Variants in AFF4 observed in about 807,000 individuals in gnomAD.
AFF4 encodes ALF transcription elongation factor 4, also known as AF4/FMR2 family member 4.
In AFF4, 13 loss-of-function variants were observed where a neutral mutation model predicts 124.8. That is an observed-to-expected ratio of 0.10 (90% confidence interval 0.07 to 0.17). The LOEUF (loss-of-function observed/expected upper bound fraction) is 0.17. Ranked by LOEUF, AFF4 falls within the 10% of genes least tolerant of loss-of-function variation. AFF4 has a pLI of 1.00. For missense variants in AFF4, 1,092 were observed against 1,403.8 expected (o/e 0.78, Z 3.55); for synonymous variants, 477 against 496.1 (o/e 0.96, Z 0.51).
intron 5 of AFF4, among the ~76,000 whole-genome samples, chr5:132,905,297 T>G (rs1760647187): frequency 6.6e-6 from 1 of 152,202 alleles, no homozygotes; most frequent in African/African-American, 2.4e-5. Flanking sequence ...AACTCAATTT[T>G]CATGACCAGA....
intron 6 of AFF4, among the ~76,000 whole-genome samples, chr5:132,903,267 TTAAGGTGGAAC>T (rs1760595776): frequency 1.3e-5 from 2 of 152,210 alleles, no homozygotes; most frequent in Admixed American, 1.3e-4. Flanking sequence ...GCTACGGCCT[TTAAGGTGGAAC>T]TAAGAAATTG....
At chr5:132,900,195 T>C (rs1014162003) in intron 7 of AFF4, among the ~76,000 whole-genome samples, 2 of 152,196 alleles carry the variant, frequency 1.3e-5, no homozygotes, top group African/African-American at 4.8e-5. Context: ...GTGCCCTCTG[T>C]AGAAATAAAT....
intron 4 of AFF4, among the ~76,000 whole-genome samples, chr5:132,928,121 C>T (rs979398263): frequency 6.6e-6 from 1 of 151,752 alleles, no homozygotes; most frequent in Non-Finnish European, 1.5e-5. Context: ...TAAAGATATA[C>T]GTATAAGGGG....
At chr5:132,941,889 C>T (rs1242968970) in intron 1 of AFF4, among the ~76,000 whole-genome samples, 1 of 151,938 alleles carries the variant, frequency 6.6e-6, no homozygotes, top group Non-Finnish European at 1.5e-5. Context: ...ATGCCTTAAT[C>T]CCAGCTACTT....
At position 132,957,019 on chromosome 5, in the gene AFF4, C is replaced by CAAAA. The variant is rs1180577709; in HGVS notation, c.-5+6236_-5+6239dup. ...TGGGTGACAGTGTGAGACTTCGTCT[C>CAAAA]AAAAAAAAAAAAAAAAAAAAAAAAA... On this transcript the variant is annotated intron_variant, in intron 1 of 20. Coordinates refer to ENST00000265343, the MANE Select transcript of AFF4 (RefSeq NM_014423.4). Among the ~76,000 whole-genome samples the CAAAA allele has an allele frequency of 3.7e-3, 151 of 40,782 alleles. 7 individuals carry two copies. The highest frequency in any genetic ancestry group is 4.7e-3 in the Admixed American group (9 of 1,912). 26.8% of individuals were successfully genotyped at this position (40,782 alleles called of 152,430 possible).
rs1759906422 is a variant in AFF4, at chr5:132,879,029, G to A, written c.*2030C>T. Reference sequence around the variant, plus strand: ...AAATAACTATCATGATCATTGAGAAGTTGTCCTCTTATGGAAAACTGTTCC... The same window carrying A: ...AAATAACTATCATGATCATTGAGAAATTGTCCTCTTATGGAAAACTGTTCC... On this transcript the variant is annotated 3_prime_UTR_variant, in exon 21 of 21. Transcript: ENST00000265343. 1 of 222,492 alleles carries A rather than the reference G, an allele frequency of 4.5e-6. No homozygotes were observed. Among genetic ancestry groups the A allele is most frequent in the South Asian group, 1.8e-4 (1 of 5,458 alleles). 13.8% of individuals were successfully genotyped at this position (222,492 alleles called of 1,614,324 possible). A position where few individuals can be genotyped will look rare whatever the true frequency, so the allele number is the denominator to read the frequency against.
At position 132,963,454 on chromosome 5, in the gene AFF4, C is replaced by A; in HGVS notation, c.-200G>T. The A allele has an allele frequency of 2.5e-6, 1 of 398,354 alleles. No individual in the cohort carries two copies. Among genetic ancestry groups the A allele is most frequent in the Non-Finnish European group, 4.4e-6 (1 of 225,908 alleles). The allele number at this position is 398,354 out of a possible 1,614,324, so 24.7% of individuals were successfully genotyped here. On this transcript the variant is annotated 5_prime_UTR_variant, in exon 1 of 21. Transcript: ENST00000265343. ...AAGGCGGCGTCGGCGGCGGCGGCAG[C>A]GATGCGCCTCACACGGAACAGGCGT...
chr5:132,894,744 T>C (rs889963193), intron 11 of AFF4, among the ~76,000 whole-genome samples: 2 of 152,124 alleles, frequency 1.3e-5, no homozygotes, highest in African/African-American at 4.8e-5. Flanking sequence ...GGAGGACTGC[T>C]TGATTCCAGG....
At chr5:132,884,191 A>G (rs1760056426) in intron 19 of AFF4, among the ~76,000 whole-genome samples, 2 of 152,180 alleles carry the variant, frequency 1.3e-5, no homozygotes, top group South Asian at 4.1e-4. Context: ...ATCACACACT[A>G]AAAGAAAGGA....
Position 132,883,498 on chromosome 5 carries a change from T to C in AFF4, c.3206A>G (p.Tyr1069Cys). 1.2e-6 allele frequency: 2 copies of C among 1,614,062 alleles called. No individual in the cohort carries two copies. Among genetic ancestry groups the C allele is most frequent in the Non-Finnish European group, 1.7e-6 (2 of 1,180,014 alleles). The change falls in exon 20 of 21, where the codon TAT becomes TGT. Residue 1069 changes from tyrosine to cysteine, a missense_variant. By Grantham distance (194) the Tyr-to-Cys change is radical. Around this residue, in one of 11 missense-constraint regions of AFF4, gnomAD observed 173 missense variants for 294.9 expected, o/e 0.59. Coordinates refer to ENST00000265343, the MANE Select transcript of AFF4 (RefSeq NM_014423.4). ...AGAAGCACTACTGGCCCCAGATGAA[T>C]AATTTCCTGAATTGCCTGGTGACAG... ...PKLSPGNSGN[Y>C]SSGASSASAS... is the part of the protein sequence containing the mutation.
chr5:132,882,826 C>G lies in AFF4; in HGVS notation c.3364+514G>C, dbSNP rs1581266149. ...TCGAGATCGTGCCACTGTGCTCCAG[C>G]CTGGGCAACAAAAGCGAAACTCCAT... is the stretch of plus-strand genomic sequence containing the variant. On this transcript the variant is annotated intron_variant, in intron 20 of 20. Coordinates refer to ENST00000265343, the MANE Select transcript of AFF4 (RefSeq NM_014423.4). 2.0e-5 allele frequency among the ~76,000 whole-genome samples: 3 copies of G among 148,796 alleles called. No individual in the cohort carries two copies. In the South Asian group the frequency reaches 6.5e-4, roughly 32 times the overall value.
intron 13 of AFF4, among the ~76,000 whole-genome samples, chr5:132,891,003 A>C (rs921021840): frequency 6.6e-6 from 1 of 151,642 alleles, no homozygotes; most frequent in Admixed American, 6.6e-5. Context: ...CAAATAAATA[A>C]ATTAATTAAT....
At chr5:132,899,427 T>C (rs1335636455) in intron 8 of AFF4, among the ~76,000 whole-genome samples, 160 bp downstream of exon 8, 1 of 151,882 alleles carries the variant, frequency 6.6e-6, no homozygotes, top group African/African-American at 2.4e-5. Flanking sequence ...AAGAAAAAAA[T>C]GGAGATTTAA....
chr5:132,932,157 G>A (rs201391231), intron 4 of AFF4, 21 bp downstream of exon 4: 4 of 1,512,250 alleles, frequency 2.6e-6, no homozygotes, highest in Non-Finnish European at 3.6e-6. Flanking sequence ...AAATTGAAAT[G>A]ATTTTTTTTA....
chr5:132,942,758 C>T (rs899797555), intron 1 of AFF4, among the ~76,000 whole-genome samples: 3 of 152,192 alleles, frequency 2.0e-5, no homozygotes, highest in African/African-American at 7.2e-5. Flanking sequence ...CCATTGCACC[C>T]GGCCCATGTC....
At chr5:132,941,506 T>G (rs1460532395) in intron 1 of AFF4, among the ~76,000 whole-genome samples, 2 of 152,026 alleles carry the variant, frequency 1.3e-5, no homozygotes, top group African/African-American at 4.8e-5. Context: ...GCTAACTTTT[T>G]TTGTATTTTT....
intron 11 of AFF4, among the ~76,000 whole-genome samples, chr5:132,893,671 C>T (rs901667746): frequency 1.4e-4 from 22 of 152,056 alleles, no homozygotes; most frequent in African/African-American, 4.6e-4. Context: ...TTAGTAGAGA[C>T]GGGGTTTCAC....
chr5:132,884,356 C>T (rs1328664467), intron 19 of AFF4, among the ~76,000 whole-genome samples: 1 of 152,198 alleles, frequency 6.6e-6, no homozygotes, highest in Non-Finnish European at 1.5e-5. Flanking sequence ...TCTCCTGCCT[C>T]AGCCTCCAGA....
At chr5:132,898,437 T>C in intron 9 of AFF4, 45 bp from the exon 10 acceptor site, 1 of 1,568,136 alleles carries the variant, frequency 6.4e-7, no homozygotes, top group Non-Finnish European at 8.6e-7. Context: ...TATTTTACAT[T>C]GACAACAGGA....
Sources: allele counts gnomAD v4.1 joint callset (sites outside exome capture counted in the v4.1 genomes callset), GRCh38; gene constraint gnomAD v4.1.1; regional missense constraint gnomAD v4.1.1; transcripts MANE v1.5; gene names NCBI Gene and HGNC (gene_info 2026-07-23, HGNC 2026-07-21).